The following DIAPH3 variants were observed in gnomAD, a reference collection of about 807,000 sequenced individuals.
DIAPH3 encodes the protein diaphanous related formin 3, also known as protein diaphanous homolog 3.
Under a neutral mutation model 144.3 loss-of-function variants are expected in DIAPH3, and 117 were observed. That is an observed-to-expected ratio of 0.81 (90% CI 0.70 to 0.95). The LOEUF (loss-of-function observed/expected upper bound fraction) is 0.95, where lower values mean the gene tolerates loss of function less well. Ranked by LOEUF, DIAPH3 falls within the 40% of genes least tolerant of loss-of-function variation. The probability of loss-of-function intolerance (pLI) is 0.00; values close to 1 mark genes in which losing one functional copy is unlikely to be tolerated. For synonymous variants in DIAPH3, 519 were observed against 488.9 expected (o/e 1.06, Z -0.81); for missense variants, 1,421 against 1,412.7 (o/e 1.01, Z -0.09).
chr13:59,759,723 A>T (rs79728601), intron 27 of DIAPH3, among the ~76,000 whole-genome samples: 3,435 of 152,174 alleles, frequency 0.023, 91 homozygotes, highest in East Asian at 0.12. Flanking sequence ...AGGTGGGTGG[A>T]TCATGAGGTC....
At chr13:59,947,100 C>T (rs2140417180) in intron 17 of DIAPH3, among the ~76,000 whole-genome samples, 1 of 152,310 alleles carries the variant, frequency 6.6e-6, no homozygotes, top group South Asian at 2.1e-4. Flanking sequence ...CCTTCATCAA[C>T]CAACATTCAT....
chr13:59,895,454 A>AC (rs2046038790), intron 20 of DIAPH3, among the ~76,000 whole-genome samples: 3 of 151,462 alleles, frequency 2.0e-5, no homozygotes, highest in Non-Finnish European at 4.4e-5. Context: ...CAAAAAAAAA[A>AC]CACATTTATC....
intron 20 of DIAPH3, among the ~76,000 whole-genome samples, chr13:59,902,637 A>G (rs550773472): frequency 6.9e-4 from 105 of 152,184 alleles, no homozygotes; most frequent in Middle Eastern, 3.4e-3. Flanking sequence ...TTAGCCAAGC[A>G]TGGTGGCGCA....
chr13:59,943,712 A>G (rs2048658543), intron 17 of DIAPH3, among the ~76,000 whole-genome samples: 1 of 152,190 alleles, frequency 6.6e-6, no homozygotes, highest in African/African-American at 2.4e-5. Flanking sequence ...TTATACAATA[A>G]CATAATCATT....
intron 3 of DIAPH3, 119 bp from the exon 4 acceptor site, chr13:60,093,851 G>T: frequency 1.4e-6 from 1 of 720,668 alleles, no homozygotes; most frequent in South Asian, 1.6e-5. Flanking sequence ...GTTTTGGAAT[G>T]ATTTACGTGT....
At chr13:59,718,834 T>C (rs573062177) in intron 27 of DIAPH3, among the ~76,000 whole-genome samples, 2 of 152,278 alleles carry the variant, frequency 1.3e-5, no homozygotes, top group East Asian at 3.9e-4. Context: ...GGAGAATATC[T>C]TTCTGTATAT....
chr13:60,111,898 A>G, intron 3 of DIAPH3, 112 bp downstream of exon 3: 2 of 1,024,520 alleles, frequency 2.0e-6, no homozygotes, highest in Non-Finnish European at 3.0e-6. Flanking sequence ...CTTAAGTGAC[A>G]TCAGAAATTA....
chr13:59,897,069 A>G (rs1431337309), intron 20 of DIAPH3, among the ~76,000 whole-genome samples: 1 of 152,206 alleles, frequency 6.6e-6, no homozygotes, highest in Non-Finnish European at 1.5e-5. Context: ...AAAAAATTAT[A>G]TGTGTTTTAT....
chr13:59,818,647 C>T (rs1290943798), intron 24 of DIAPH3, among the ~76,000 whole-genome samples: 2 of 151,804 alleles, frequency 1.3e-5, no homozygotes, highest in Admixed American at 6.6e-5. Flanking sequence ...CTTTTTGAGT[C>T]TATTCTTCTG....
intron 4 of DIAPH3, among the ~76,000 whole-genome samples, chr13:60,056,266 T>C (rs1003427055): frequency 6.6e-6 from 1 of 150,526 alleles, no homozygotes; most frequent in Non-Finnish European, 1.5e-5. Flanking sequence ...GCTATATATA[T>C]AGAAAAGAGA....
At chr13:59,737,607 G>A (rs1393763662) in intron 27 of DIAPH3, among the ~76,000 whole-genome samples, 1 of 152,106 alleles carries the variant, frequency 6.6e-6, no homozygotes, top group East Asian at 1.9e-4. Flanking sequence ...CAACATACGT[G>A]GACTTATAAA....
chr13:59,804,436 T>C (rs1177411018), intron 25 of DIAPH3, among the ~76,000 whole-genome samples: 1 of 152,202 alleles, frequency 6.6e-6, no homozygotes, highest in Non-Finnish European at 1.5e-5. Context: ...ACTGGCTTCA[T>C]GGCTTGTTAA....
At chr13:59,958,747 T>C (rs536660174) in intron 17 of DIAPH3, among the ~76,000 whole-genome samples, 5 of 152,090 alleles carry the variant, frequency 3.3e-5, no homozygotes, top group Middle Eastern at 3.4e-3. Flanking sequence ...AAAAAATCTT[T>C]CCTGGTACTT....
chr13:59,763,303 CAT>C (rs1238978202), intron 27 of DIAPH3, among the ~76,000 whole-genome samples: 1 of 142,472 alleles, frequency 7.0e-6, no homozygotes, highest in Non-Finnish European at 1.5e-5. Context: ...TATGTATATA[CAT>C]GTGTATATAT....
At chr13:60,124,405 A>G (rs1382361781) in intron 2 of DIAPH3, among the ~76,000 whole-genome samples, 2 of 152,166 alleles carry the variant, frequency 1.3e-5, no homozygotes, top group Non-Finnish European at 2.9e-5. Context: ...AAAGAATCTC[A>G]TATCCTTTAA....
At chr13:59,981,832 T>C (rs1026159482) in intron 13 of DIAPH3, among the ~76,000 whole-genome samples, 10 of 151,488 alleles carry the variant, frequency 6.6e-5, no homozygotes, top group Admixed American at 2.0e-4. Context: ...AAATAAAATG[T>C]ACATAAGTAT....
chr13:59,776,921 A>C (rs1460927281), intron 25 of DIAPH3, among the ~76,000 whole-genome samples: 1 of 151,764 alleles, frequency 6.6e-6, no homozygotes, highest in Non-Finnish European at 1.5e-5. Context: ...CTCAAGGCTT[A>C]ACAAAACAAA....
At chr13:59,847,677 G>A (rs1286251963) in intron 22 of DIAPH3, among the ~76,000 whole-genome samples, 1 of 152,170 alleles carries the variant, frequency 6.6e-6, no homozygotes. Flanking sequence ...CATGTACATG[G>A]GAGGGCAATT....
At chr13:59,727,388 T>C (rs1218732027) in intron 27 of DIAPH3, among the ~76,000 whole-genome samples, 5 of 152,182 alleles carry the variant, frequency 3.3e-5, no homozygotes, top group African/African-American at 1.2e-4. Flanking sequence ...CTGCCTAAAA[T>C]GAAACTGGGA....
Sources: gnomAD v4.1 joint callset for allele counts (sites outside exome capture counted in the v4.1 genomes callset) on GRCh38, gnomAD v4.1.1 for gene constraint, MANE v1.5 for transcripts, NCBI Gene and HGNC (gene_info 2026-07-23, HGNC 2026-07-21) for gene names.